The following TET2 variants were observed in gnomAD, a reference collection of about 807,000 sequenced individuals.
The protein encoded by TET2 is methylcytosine dioxygenase TET2.
TET2 carries 299 observed loss-of-function variants against 142.9 expected under a neutral mutation model. The ratio of observed to expected loss-of-function variants is 2.09; its 90% confidence interval spans 1.90 to 2.30. TET2 has a LOEUF of 2.30. Among genes scored for constraint, TET2 ranks in the 30% most tolerant of loss-of-function variants. TET2 has a pLI of 0.00. For synonymous variants in TET2, 819 were observed against 849.0 expected (o/e 0.96, Z 0.61); for missense variants, 2,418 against 2,378.0 (o/e 1.02, Z -0.35).
rs186637528 is a variant in TET2 at position 105,271,147 on chromosome 4, A to G, written c.4182+1400A>G. Reference sequence around the variant, plus strand: ...TTTTTTAAAAACTCCTTGAAAATGTAAAAACCATTCTTAGTTTACTGGCCA... The same window carrying G: ...TTTTTTAAAAACTCCTTGAAAATGTGAAAACCATTCTTAGTTTACTGGCCA... On this transcript the variant is annotated intron_variant, in intron 9 of 10. Transcript: ENST00000380013. 1.4e-3 allele frequency among the ~76,000 whole-genome samples: 208 copies of G among 152,312 alleles called. 1 individual carries two copies. Among genetic ancestry groups the G allele is most frequent in the Middle Eastern group, 0.014 (4 of 294 alleles).
chr4:105,237,515 T>G (rs1046725471), intron 3 of TET2, 164 bp downstream of exon 3: 14 of 1,586,962 alleles, frequency 8.8e-6, no homozygotes, highest in Non-Finnish European at 1.2e-5. Flanking sequence ...TTACCGATGC[T>G]TGTGTCTTGT....
At chr4:105,164,526 C>T (rs1465101618) in intron 1 of TET2, among the ~76,000 whole-genome samples, 2 of 152,194 alleles carry the variant, frequency 1.3e-5, no homozygotes, top group Admixed American at 6.5e-5. Context: ...ATGTGTTGAG[C>T]ATCTATGTAT....
chr4:105,180,620 T>C (rs1725063446), intron 1 of TET2, among the ~76,000 whole-genome samples: 1 of 151,464 alleles, frequency 6.6e-6, no homozygotes, highest in South Asian at 2.1e-4. Context: ...TTTCACGTTC[T>C]AATTGATATT....
intron 2 of TET2, among the ~76,000 whole-genome samples, chr4:105,218,932 T>TCTG (rs1727652449): frequency 6.6e-6 from 1 of 152,040 alleles, no homozygotes; most frequent in Non-Finnish European, 1.5e-5. Context: ...GATCTTAACC[T>TCTG]ATTTATCAGA....
chr4:105,233,597 A>G (rs755311556), intron 2 of TET2, among the ~76,000 whole-genome samples: 8 of 152,174 alleles, frequency 5.3e-5, no homozygotes, highest in Admixed American at 2.0e-4. Flanking sequence ...AAAATTATTT[A>G]GGAATGAAAT....
intron 1 of TET2, chr4:105,171,371 T>C (rs551341932): frequency 6.6e-6 from 1 of 152,350 alleles, no homozygotes; most frequent in South Asian, 2.1e-4. Flanking sequence ...CAAATCGTTC[T>C]TTATTTTTCT....
intron 9 of TET2, among the ~76,000 whole-genome samples, chr4:105,270,703 C>G (rs1560570341): frequency 6.7e-6 from 1 of 149,630 alleles, no homozygotes; most frequent in East Asian, 2.0e-4. Flanking sequence ...TATATATGTT[C>G]TATACCAACA....
chr4:105,219,879 C>T (rs1490271355), intron 2 of TET2, among the ~76,000 whole-genome samples: 1 of 152,056 alleles, frequency 6.6e-6, no homozygotes, highest in Non-Finnish European at 1.5e-5. Flanking sequence ...TCGTTAGCTG[C>T]CCTATTATTT....
chr4:105,230,882 G>A (rs1182992638), intron 2 of TET2, among the ~76,000 whole-genome samples: 1 of 151,658 alleles, frequency 6.6e-6, no homozygotes, highest in Admixed American at 6.6e-5. Context: ...CTTTTGGGGG[G>A]GTTTTATTTC....
intron 2 of TET2, among the ~76,000 whole-genome samples, chr4:105,203,003 T>C (rs1007049371): frequency 2.6e-5 from 4 of 152,240 alleles, no homozygotes; most frequent in African/African-American, 9.6e-5. Flanking sequence ...TCTTAAGAAA[T>C]GTCACTGGAA....
At chr4:105,181,571 G>C (rs1725124072) in intron 1 of TET2, among the ~76,000 whole-genome samples, 1 of 152,088 alleles carries the variant, frequency 6.6e-6, no homozygotes, top group African/African-American at 2.4e-5. Context: ...ATAAAAAATG[G>C]TTTAAAACTT....
chr4:105,257,631 G>A lies in TET2; in HGVS notation c.3804-1988G>A, dbSNP rs568268040. ...AAGGTTAGACTGTGGTGAGAGTTTA[G>A]GGCTTTCTGAGGTCTTTTGTGGGCC... On this transcript the variant is annotated intron_variant, in intron 6 of 10. Transcript: ENST00000380013. 8.5e-5 allele frequency among the ~76,000 whole-genome samples: 13 copies of A among 152,236 alleles called. 1 individual carries two copies. In the South Asian group the frequency reaches 2.7e-3, roughly 32 times the overall value.
Position 105,234,883 on chromosome 4 carries a change from GTTCC to G in TET2, c.944_947del (p.Ser315PhefsTer31). The G allele has an allele frequency of 6.2e-7, 1 of 1,614,042 alleles. No homozygotes were observed. The highest frequency in any genetic ancestry group is 8.5e-7 in the Non-Finnish European group (1 of 1,180,000). On this transcript the variant is annotated frameshift_variant, in exon 3 of 11. Transcript: ENST00000380013. LOFTEE classifies it high-confidence loss of function. ...AAACTAGCTGCAATGCTAAATACCT[GTTCC>G]TTTCAGAAACCAGAACAACTACAAC... is the stretch of plus-strand genomic sequence containing the variant.
In TET2 at chr4:105,237,323, A is replaced by G. The variant is rs779314805; in HGVS notation, c.3381A>G (p.Gln1127=). The G allele has an allele frequency of 2.3e-5, 37 of 1,614,010 alleles. No individual in the cohort carries two copies. Among genetic ancestry groups the G allele is most frequent in the East Asian group, 1.1e-4 (5 of 44,900 alleles). ...KNLLDTPVKT[Q]YDFPSCRCVE... ...TATTGGATACACCTGTCAAGACTCA[A>G]TATGATTTCCCATCTTGCAGATGTG... Residue 1127 remains glutamine, a synonymous_variant, in exon 3 of 11, where the codon CAA becomes CAG. Coordinates refer to ENST00000380013, the MANE Select transcript of TET2 (RefSeq NM_001127208.3).
Position 105,243,630 on chromosome 4 carries a change from C to G in TET2, c.3655C>G (p.His1219Asp), listed in dbSNP as rs1234235090. Reference sequence around the variant, plus strand: ...GTGTTTGGTGCGGGAGCGAGCTGGCCACACCTGTGAGGCTGCAGTGATTGT... The same window carrying G: ...GTGTTTGGTGCGGGAGCGAGCTGGCGACACCTGTGAGGCTGCAGTGATTGT... ...LLCLVRERAG[H>D]TCEAAVIVIL... Residue 1219 changes from histidine (H) to aspartate (D), a missense_variant, in exon 6 of 11, where the codon CAC (histidine) becomes GAC (aspartate). Transcript: ENST00000380013. 6.4e-7 allele frequency: 1 copy of G among 1,551,552 alleles called. No individual in the cohort carries two copies. The highest frequency in any genetic ancestry group is 8.7e-7 in the Non-Finnish European group (1 of 1,146,930).
At chr4:105,199,289 C>T (rs1045850484) in intron 2 of TET2, among the ~76,000 whole-genome samples, 3 of 152,150 alleles carry the variant, frequency 2.0e-5, no homozygotes, top group African/African-American at 7.2e-5. Context: ...TCTCAAAGCA[C>T]ACTTGCTTTT....
intron 6 of TET2, 65 bp downstream of exon 6, chr4:105,243,843 G>A (rs1169944698): frequency 1.1e-5 from 16 of 1,422,178 alleles, no homozygotes; most frequent in African/African-American, 2.8e-5. Context: ...ATCTTTGGTT[G>A]AAAGGAAGAG....
intron 3 of TET2, chr4:105,238,693 G>A (rs75543055): frequency 6.2e-4 from 149 of 241,786 alleles, no homozygotes; most frequent in African/African-American, 3.0e-3. Flanking sequence ...ACCTCTCCAC[G>A]GAAGTCTTGA....
chr4:105,239,870 C>T (rs2110245084), intron 3 of TET2: 1 of 236,186 alleles, frequency 4.2e-6, no homozygotes, highest in East Asian at 6.3e-5. Flanking sequence ...ACAACTCTTC[C>T]TTTCACTTGA....
Sources: allele counts gnomAD v4.1 joint callset (sites outside exome capture counted in the v4.1 genomes callset), GRCh38; gene constraint gnomAD v4.1.1; transcripts MANE v1.5; gene names NCBI Gene and HGNC (gene_info 2026-07-23, HGNC 2026-07-21).